TCF7: variants seen among roughly 807,000 people sequenced by gnomAD.
The protein encoded by TCF7 is transcription factor 7.
TCF7 carries 19 observed loss-of-function variants against 46.8 expected under a neutral mutation model. The ratio of observed to expected loss-of-function variants is 0.41; its 90% confidence interval spans 0.28 to 0.60. The LOEUF (loss-of-function observed/expected upper bound fraction) is 0.60. TCF7 is among the 20% of genes least tolerant of loss of function. The pLI is 0.35. For missense variants in TCF7, 547 were observed against 504.6 expected (o/e 1.08, Z -0.81); for synonymous variants, 245 against 213.4 (o/e 1.15, Z -1.29).
At chr5:134,116,124 A>G in intron 3 of TCF7, 91 bp downstream of exon 3, 5 of 1,484,464 alleles carry the variant, frequency 3.4e-6, no homozygotes, top group Non-Finnish European at 4.5e-6. Flanking sequence ...TGCCTGGAAC[A>G]AAATAGACGA....
At position 134,142,828 on chromosome 5, in the gene TCF7, T is replaced by C. The variant is rs138493123; in HGVS notation, c.863T>C (p.Ile288Thr). 1.4e-5 allele frequency: 22 copies of C among 1,614,034 alleles called. No individual in the cohort carries two copies. The highest frequency in any genetic ancestry group is 1.3e-4 in the East Asian group (6 of 44,884). Reference sequence around the variant, plus strand: ...ATGAAGGAGATGAGAGCCAAGGTCATTGCAGAGTGCACACTTAAGGAGAGC... The same window carrying C: ...ATGAAGGAGATGAGAGCCAAGGTCACTGCAGAGTGCACACTTAAGGAGAGC... ...LYMKEMRAKV[I>T]AECTLKESAA... The change falls in exon 7 of 10, where the codon ATT (isoleucine) becomes ACT (threonine). Residue 288 changes from isoleucine to threonine, a missense_variant. Physicochemically the swap from Ile to Thr is moderately conservative, Grantham distance 89 (BLOSUM62 -1). Transcript: ENST00000342854.
intron 8 of TCF7, 142 bp downstream of exon 8, chr5:134,143,242 C>A: frequency 1.2e-6 from 1 of 866,646 alleles, no homozygotes; most frequent in Non-Finnish European, 1.8e-6. Context: ...CAAGGCCTCC[C>A]ATGGCTGCCT....
intron 3 of TCF7, among the ~76,000 whole-genome samples, chr5:134,121,288 A>G (rs1219315872): frequency 6.6e-6 from 1 of 152,118 alleles, no homozygotes; most frequent in African/African-American, 2.4e-5. Context: ...TGTTTCAAAA[A>G]AAAAAAAAAG....
intron 3 of TCF7, among the ~76,000 whole-genome samples, chr5:134,130,078 G>A (rs1386148671): frequency 2.6e-5 from 4 of 152,266 alleles, no homozygotes; most frequent in Non-Finnish European, 5.9e-5. Context: ...GGAGAGCACC[G>A]TGTCCTGGGC....
chr5:134,129,122 T>G (rs913131122), intron 3 of TCF7, among the ~76,000 whole-genome samples: 1 of 152,226 alleles, frequency 6.6e-6, no homozygotes, highest in Non-Finnish European at 1.5e-5. Context: ...GGCAAGATTC[T>G]TAGCTTCTCT....
chr5:134,116,107 A>G (rs1175584664), intron 3 of TCF7, 74 bp downstream of exon 3: 2 of 1,521,026 alleles, frequency 1.3e-6, no homozygotes, highest in Non-Finnish European at 1.8e-6. Context: ...CACCGGCAAG[A>G]GACTTCTGCC....
intron 4 of TCF7, 77 bp from the exon 5 acceptor site, chr5:134,138,874 G>A: frequency 6.3e-7 from 1 of 1,583,042 alleles, no homozygotes; most frequent in Non-Finnish European, 8.6e-7. Flanking sequence ...CCCTGTAGGA[G>A]GTTCTAGGAT....
chr5:134,146,872 C>G lies in TCF7; in HGVS notation c.*569C>G. The G allele has an allele frequency of 3.2e-6, 1 of 317,112 alleles. No homozygotes were observed. The highest frequency in any genetic ancestry group is 5.9e-6 in the Non-Finnish European group (1 of 170,344). 19.6% of individuals were successfully genotyped at this position (317,112 alleles called of 1,614,324 possible). On this transcript the variant is annotated 3_prime_UTR_variant, in exon 10 of 10. Transcript: ENST00000342854. ...GCTGAACTGAGCCTAGCTACCTTCT[C>G]TACCCATCTCCCCCATCCCCCACTG...
chr5:134,142,498 C>G (rs1188280920), intron 6 of TCF7, among the ~76,000 whole-genome samples, 194 bp downstream of exon 6: 1 of 152,108 alleles, frequency 6.6e-6, no homozygotes, highest in African/African-American at 2.4e-5. Flanking sequence ...AGGAGGGGCT[C>G]AGAAGTCCTT....
At chr5:134,139,390 G>A (rs1039596657) in intron 5 of TCF7, 1 of 234,652 alleles carries the variant, frequency 4.3e-6, no homozygotes. Context: ...AAGAAAGGTG[G>A]GCCCGAGCAG....
Position 134,148,000 on chromosome 5 carries a change from G to T in TCF7, c.*1697G>T, listed in dbSNP as rs1056313204. On this transcript the variant is annotated 3_prime_UTR_variant, in exon 10 of 10. Transcript: ENST00000342854. ...AAAAAAAAAAAAAAAAAAAAAAAGG[G>T]CTGTCCATGTATTCACACACCCCTC... 7.9e-4 allele frequency: 114 copies of T among 144,816 alleles called. No homozygotes were observed. The highest frequency in any genetic ancestry group is 2.9e-3 in the African/African-American group (110 of 38,036). The allele number at this position is 144,816 out of a possible 1,614,324, so 9.0% of individuals were successfully genotyped here. A position where few individuals can be genotyped will look rare whatever the true frequency, so the allele number is the denominator to read the frequency against.
At chr5:134,109,627 G>A in the TCF7 span, among the ~76,000 whole-genome samples, 5 of 152,170 alleles carry the variant, frequency 3.3e-5, no homozygotes, top group East Asian at 1.9e-4. Context: ...AAAATTAGCC[G>A]AGCGTGGTGG....
At chr5:134,124,285 G>C (rs1757026461) in intron 3 of TCF7, among the ~76,000 whole-genome samples, 1 of 152,198 alleles carries the variant, frequency 6.6e-6, no homozygotes, top group African/African-American at 2.4e-5. Context: ...GTCTGGACCT[G>C]GGAAACCGCC....
chr5:134,114,194 T>C (rs1755480350), upstream of TCF7, among the ~76,000 whole-genome samples: 1 of 152,086 alleles, frequency 6.6e-6, no homozygotes, highest in Admixed American at 6.5e-5. Context: ...GGATGGAGGA[T>C]GGGGCAAGAG....
In TCF7 at chr5:134,114,884, C is replaced by A; in HGVS notation, c.-23C>A. 1.0e-6 allele frequency: 1 copy of A among 989,302 alleles called. No homozygotes were observed. The highest frequency in any genetic ancestry group is 1.2e-6 in the Non-Finnish European group (1 of 834,072). The allele number at this position is 989,302 out of a possible 1,614,324, so 61.3% of individuals were successfully genotyped here. On this transcript the variant is annotated 5_prime_UTR_variant, in exon 1 of 10. Transcript: ENST00000342854. ...CGCACTCCCGGCGCCCAGCGCCCCGCGCCCCGGCGGGCGGAGCGCACCATG... is the reference window on the plus strand; with the variant it reads ...CGCACTCCCGGCGCCCAGCGCCCCGAGCCCCGGCGGGCGGAGCGCACCATG...
rs1382642194 is a variant in TCF7 at position 134,146,097 on chromosome 5, C to G, written c.1076-127C>G. On this transcript the variant is annotated intron_variant, in intron 9 of 9. Transcript: ENST00000342854. ...ATGGCAGTCTGAGGACACTGACTTA[C>G]CACCCAAGTCCCAGGAAGAGAGGAC... 2.5e-6 allele frequency: 4 copies of G among 1,600,110 alleles called. No homozygotes were observed. In the South Asian group the frequency reaches 4.4e-5, roughly 18 times the overall value.
Position 134,115,085 on chromosome 5 carries a change from AG to A in TCF7, c.182del (p.Gly61AlafsTer47). Reference sequence around the variant, plus strand: ...AAGTCGTCGCTCGTGAACGAGTCCGAGGGCGCGGCCGGCGGCGCAGGGATCC... The same window carrying A: ...AAGTCGTCGCTCGTGAACGAGTCCGAGGCGCGGCCGGCGGCGCAGGGATCC... ...ELKSSLVNES[E>X]GAAGGAGIPG... On this transcript the variant is annotated frameshift_variant, in exon 1 of 10. Transcript: ENST00000342854. LOFTEE classifies it high-confidence loss of function. The A allele has an allele frequency of 9.0e-7, 1 of 1,108,658 alleles. No homozygotes were observed. Among genetic ancestry groups the A allele is most frequent in the Non-Finnish European group, 1.1e-6 (1 of 894,938 alleles). The allele number at this position is 1,108,658 out of a possible 1,614,324, so 68.7% of individuals were successfully genotyped here.
In TCF7 at chr5:134,115,322, C is replaced by A; in HGVS notation, c.251C>A (p.Ala84Asp). 6.3e-7 allele frequency: 1 copy of A among 1,583,302 alleles called. No individual in the cohort carries two copies. The highest frequency in any genetic ancestry group is 1.2e-5 in the South Asian group (1 of 86,630). Reference protein sequence around the residue: ...AGAGARGEAEALGREHAAQRL... With the variant: ...AGAGARGEAEDLGREHAAQRL... ...ACTCCCCTCCGGTTCTCCCTCCAGG[C>A]TCTCGGGCGGGAACACGCTGCGCAG... Residue 84 changes from alanine to aspartate, a missense_variant and splice_region_variant, in exon 2 of 10, where the codon GCT becomes GAT. By Grantham distance (126) the Ala-to-Asp change is moderately radical. Around this residue, in one of 3 missense-constraint regions of TCF7, gnomAD observed 425 missense variants for 349.9 expected, o/e 1.21. Transcript: ENST00000342854.
chr5:134,133,223 A>G (rs1198151938), intron 3 of TCF7, among the ~76,000 whole-genome samples: 3 of 152,212 alleles, frequency 2.0e-5, no homozygotes, highest in African/African-American at 4.8e-5. Flanking sequence ...CTGGTGAGGC[A>G]TCAATGCATT....
Sources: allele counts gnomAD v4.1 joint callset (sites outside exome capture counted in the v4.1 genomes callset), GRCh38; gene constraint gnomAD v4.1.1; regional missense constraint gnomAD v4.1.1; transcripts MANE v1.5; gene names NCBI Gene and HGNC (gene_info 2026-07-23, HGNC 2026-07-21).